FAM13A: variants seen among roughly 807,000 people sequenced by gnomAD.
FAM13A encodes family with sequence similarity 13 member A, also known as protein FAM13A.
In FAM13A, 76 loss-of-function variants were observed where a neutral mutation model predicts 129.6. The ratio of observed to expected loss-of-function variants is 0.59; its 90% CI spans 0.49 to 0.71. FAM13A has a LOEUF of 0.71. FAM13A is among the 30% of genes least tolerant of loss of function. The pLI is 0.00. For synonymous variants in FAM13A, 443 were observed against 449.9 expected, an observed-to-expected ratio of 0.98 and a Z score of 0.20; for missense variants, 1,108 against 1,249.3, an observed-to-expected ratio of 0.89 and a Z score of 1.70.
chr4:88,823,063 C>A, intron 7 of FAM13A: 2 of 1,609,822 alleles, frequency 1.2e-6, no homozygotes, highest in South Asian at 1.1e-5. Flanking sequence ...CAAGTTTGGT[C>A]GTCTGTACAG....
chr4:89,049,341 G>A (rs1771255457), intron 1 of FAM13A, among the ~76,000 whole-genome samples: 1 of 151,998 alleles, frequency 6.6e-6, no homozygotes, highest in South Asian at 2.1e-4. Flanking sequence ...ACAGTGTTAA[G>A]TGAAGACTCA....
At chr4:88,940,816 T>A (rs935831475) in intron 4 of FAM13A, among the ~76,000 whole-genome samples, 1 of 152,192 alleles carries the variant, frequency 6.6e-6, no homozygotes, top group South Asian at 2.1e-4. Flanking sequence ...GGAAAAGGGA[T>A]TATTTTTAAA....
At chr4:88,767,187 C>T (rs1745849545) in intron 13 of FAM13A, among the ~76,000 whole-genome samples, 1 of 152,122 alleles carries the variant, frequency 6.6e-6, no homozygotes, top group Non-Finnish European at 1.5e-5. Flanking sequence ...GATTCATGAC[C>T]TAATCCTTGT....
At chr4:88,899,139 T>C (rs573773161) in intron 6 of FAM13A, among the ~76,000 whole-genome samples, 2 of 151,544 alleles carry the variant, frequency 1.3e-5, no homozygotes, top group Admixed American at 1.3e-4. Flanking sequence ...TACATACGTA[T>C]ATATATGATG....
intron 4 of FAM13A, 72 bp from the exon 5 acceptor site, chr4:88,938,313 G>T: frequency 8.2e-7 from 1 of 1,220,172 alleles, no homozygotes; most frequent in Non-Finnish European, 1.1e-6. Context: ...ACTCAGACTT[G>T]TATTTTGAAA....
intron 3 of FAM13A, 41 bp from the exon 4 acceptor site, chr4:88,991,191 A>C: frequency 6.8e-7 from 1 of 1,480,730 alleles, no homozygotes; most frequent in Non-Finnish European, 9.3e-7. Context: ...GGTATATTTC[A>C]CAGTAACAAC....
intron 8 of FAM13A, among the ~76,000 whole-genome samples, chr4:88,796,414 G>C (rs1051659689): frequency 2.0e-5 from 3 of 152,054 alleles, no homozygotes; most frequent in Admixed American, 1.3e-4. Flanking sequence ...AGAAATGCTT[G>C]ATTGAGCTCT....
chr4:89,046,744 A>T (rs1278974121), intron 1 of FAM13A, among the ~76,000 whole-genome samples: 2 of 152,088 alleles, frequency 1.3e-5, no homozygotes, highest in African/African-American at 4.8e-5. Context: ...CCAGGTACTC[A>T]GGAGGCTGAG....
intron 13 of FAM13A, among the ~76,000 whole-genome samples, chr4:88,762,769 T>A (rs1004742231): frequency 1.3e-5 from 2 of 152,088 alleles, no homozygotes; most frequent in African/African-American, 4.8e-5. Flanking sequence ...GCAAATATTA[T>A]CTGTTTCTCC....
At chr4:88,777,326 A>G (rs1721957567) in intron 11 of FAM13A, among the ~76,000 whole-genome samples, 1 of 152,232 alleles carries the variant, frequency 6.6e-6, no homozygotes, top group African/African-American at 2.4e-5. Flanking sequence ...TAAAATAGGC[A>G]GAGAGCTAGA....
At chr4:88,742,247 CT>C (rs1447403636) in intron 19 of FAM13A, among the ~76,000 whole-genome samples, 2 of 152,212 alleles carry the variant, frequency 1.3e-5, no homozygotes, top group Non-Finnish European at 2.9e-5. Context: ...AATCTCCTTC[CT>C]TACTCTTTGT....
At chr4:88,861,196 C>T (rs571670852) in intron 6 of FAM13A, among the ~76,000 whole-genome samples, 41 of 152,092 alleles carry the variant, frequency 2.7e-4, no homozygotes, top group African/African-American at 9.6e-4. Context: ...GCCTGGTCAA[C>T]ATGGCAAAAC....
intron 10 of FAM13A, among the ~76,000 whole-genome samples, chr4:88,783,574 G>C (rs552940219): frequency 6.6e-6 from 1 of 152,236 alleles, no homozygotes; most frequent in African/African-American, 2.4e-5. Context: ...ATGAGCCACT[G>C]CGCCCAGCCC....
intron 3 of FAM13A, among the ~76,000 whole-genome samples, chr4:89,007,129 AAC>A (rs1232691794): frequency 6.6e-6 from 1 of 152,176 alleles, no homozygotes; most frequent in African/African-American, 2.4e-5. Context: ...ATCTCCATTT[AAC>A]AGGGAAACTA....
chr4:88,735,050 G>A (rs1024142363), intron 21 of FAM13A, among the ~76,000 whole-genome samples: 15 of 152,146 alleles, frequency 9.9e-5, no homozygotes, highest in African/African-American at 3.4e-4. Flanking sequence ...CCACTGAAAG[G>A]TCTGGAACCC....
chr4:88,913,917 A>C (rs1303435718), intron 5 of FAM13A, among the ~76,000 whole-genome samples: 2 of 152,046 alleles, frequency 1.3e-5, no homozygotes, highest in Non-Finnish European at 2.9e-5. Context: ...AATTATCAGC[A>C]AAAAAATTCT....
At chr4:89,017,644 T>C (rs1398201742) in intron 3 of FAM13A, among the ~76,000 whole-genome samples, 5 of 152,188 alleles carry the variant, frequency 3.3e-5, no homozygotes, top group African/African-American at 9.6e-5. Flanking sequence ...CCAAATATTT[T>C]GCATTAAGCA....
intron 6 of FAM13A, among the ~76,000 whole-genome samples, chr4:88,901,343 C>A (rs1299105193): frequency 6.6e-6 from 1 of 152,106 alleles, no homozygotes; most frequent in Non-Finnish European, 1.5e-5. Flanking sequence ...AATATATATT[C>A]TTCTCATCAC....
chr4:88,825,273 T>A (rs186581750), intron 7 of FAM13A, among the ~76,000 whole-genome samples: 36 of 151,710 alleles, frequency 2.4e-4, no homozygotes, highest in African/African-American at 8.5e-4. Flanking sequence ...TGGAGTGCAG[T>A]GGCGTGATCT....
Sources: gnomAD v4.1 joint callset for allele counts (sites outside exome capture counted in the v4.1 genomes callset) on GRCh38, gnomAD v4.1.1 for gene constraint, MANE v1.5 for transcripts, NCBI Gene and HGNC (gene_info 2026-07-23, HGNC 2026-07-21) for gene names.